The following CLDN10 variants were observed in gnomAD, a reference collection of about 807,000 sequenced individuals.
CLDN10 encodes the protein claudin 10, also known as claudin-10.
Under a neutral mutation model 22.9 loss-of-function variants are expected in CLDN10, and 15 were observed. The ratio of observed to expected loss-of-function variants is 0.65; its 90% CI spans 0.44 to 1.01. CLDN10 has a LOEUF of 1.01. Ranked by LOEUF, CLDN10 falls within the 50% of genes least tolerant of loss-of-function variation. The probability of loss-of-function intolerance (pLI) is 0.00; values close to 1 mark genes in which losing one functional copy is unlikely to be tolerated. For missense variants in CLDN10, 247 were observed against 287.8 expected, an observed-to-expected ratio of 0.86 and a Z score of 1.03; for synonymous variants, 114 against 111.4, an observed-to-expected ratio of 1.02 and a Z score of -0.15.
At chr13:95,560,101 A>C (rs1341750202) in intron 1 of CLDN10, 31 bp from the exon 2 acceptor site, 10 of 1,577,042 alleles carry the variant, frequency 6.3e-6, no homozygotes, top group African/African-American at 4.1e-5. Context: ...CACATGCTTT[A>C]TGTAACGTAA....
At chr13:95,443,414 C>T (rs1238450250) in intron 1 of CLDN10, among the ~76,000 whole-genome samples, 2 of 152,078 alleles carry the variant, frequency 1.3e-5, no homozygotes. Context: ...TTGTTTTAAT[C>T]GGGTGTGGTA....
intron 1 of CLDN10, among the ~76,000 whole-genome samples, chr13:95,525,001 A>C (rs1030968270): frequency 5.9e-5 from 9 of 151,976 alleles, no homozygotes; most frequent in Non-Finnish European, 4.4e-5. Context: ...CTGGGATTAC[A>C]GGCATGTGCC....
At chr13:95,478,236 G>T (rs748950837) in intron 1 of CLDN10, among the ~76,000 whole-genome samples, 45 of 152,158 alleles carry the variant, frequency 3.0e-4, no homozygotes, top group Non-Finnish European at 5.4e-4. Context: ...TGAGCCCAGG[G>T]AGCTGAGGTT....
chr13:95,499,670 G>A (rs1354496508), intron 1 of CLDN10, among the ~76,000 whole-genome samples: 1 of 152,336 alleles, frequency 6.6e-6, no homozygotes, highest in South Asian at 2.1e-4. Flanking sequence ...GGAGGTGGAA[G>A]GTTCCCAGGA....
intron 3 of CLDN10, among the ~76,000 whole-genome samples, chr13:95,566,926 G>C (rs4459440): frequency 0.22 from 33,470 of 152,062 alleles, 3,999 homozygotes; most frequent in Admixed American, 0.33. Context: ...AGATCAGATG[G>C]TTGTAGATGT....
At chr13:95,501,600 T>C (rs1438909523) in intron 1 of CLDN10, among the ~76,000 whole-genome samples, 2 of 152,248 alleles carry the variant, frequency 1.3e-5, no homozygotes, top group Admixed American at 6.5e-5. Context: ...CCCAGCCTTC[T>C]TGTGATTGGT....
intron 1 of CLDN10, among the ~76,000 whole-genome samples, chr13:95,474,168 A>G (rs1184350025): frequency 6.6e-6 from 1 of 152,226 alleles, no homozygotes; most frequent in Non-Finnish European, 1.5e-5. Context: ...AGACGGTCCC[A>G]TCTGGGGGTG....
intron 1 of CLDN10, among the ~76,000 whole-genome samples, chr13:95,536,853 G>A (rs778890831): frequency 3.3e-5 from 5 of 152,128 alleles, no homozygotes; most frequent in Non-Finnish European, 7.3e-5. Flanking sequence ...AAAAGAGGGC[G>A]CAAATTTCTC....
chr13:95,451,252 A>T (rs1258980327), intron 1 of CLDN10, among the ~76,000 whole-genome samples: 2 of 152,160 alleles, frequency 1.3e-5, no homozygotes, highest in African/African-American at 4.8e-5. Flanking sequence ...GGACTTTGAG[A>T]TTAACTTCTC....
intron 3 of CLDN10, among the ~76,000 whole-genome samples, chr13:95,570,858 G>GTATATATATATATATATA (rs55861640): frequency 0.018 from 2,118 of 119,160 alleles, 44 homozygotes; most frequent in Non-Finnish European, 0.023. Flanking sequence ...ATATACGTGT[G>GTATATATATATATATATA]TATATATATA....
intron 1 of CLDN10, among the ~76,000 whole-genome samples, chr13:95,453,969 G>T (rs763994803): frequency 1.3e-5 from 2 of 151,980 alleles, no homozygotes; most frequent in Admixed American, 6.6e-5. Flanking sequence ...GCTTCTGACA[G>T]CCCTGAATCT....
At chr13:95,509,680 CT>C (rs1348917057) in intron 1 of CLDN10, among the ~76,000 whole-genome samples, 1 of 152,162 alleles carries the variant, frequency 6.6e-6, no homozygotes, top group African/African-American at 2.4e-5. Context: ...AGCAACTCTG[CT>C]TTTCCCTACG....
intron 1 of CLDN10, among the ~76,000 whole-genome samples, chr13:95,477,719 G>A (rs1009876377): frequency 6.6e-6 from 1 of 152,164 alleles, no homozygotes; most frequent in Non-Finnish European, 1.5e-5. Context: ...CAGCACCTGG[G>A]ACTTAGAGAG....
chr13:95,515,340 A>C (rs1471799012), intron 1 of CLDN10, among the ~76,000 whole-genome samples: 2 of 152,164 alleles, frequency 1.3e-5, no homozygotes, highest in African/African-American at 4.8e-5. Flanking sequence ...CTGAAATTAC[A>C]TGCGTGCACC....
At chr13:95,459,490 G>A (rs2042514085) in intron 1 of CLDN10, among the ~76,000 whole-genome samples, 1 of 152,232 alleles carries the variant, frequency 6.6e-6, no homozygotes, top group African/African-American at 2.4e-5. Context: ...GCACCTGAAG[G>A]CCCAACACAA....
upstream of CLDN10, among the ~76,000 whole-genome samples, chr13:95,552,036 A>C (rs966043372): frequency 3.3e-5 from 5 of 152,262 alleles, no homozygotes; most frequent in African/African-American, 9.6e-5. Context: ...TGAGTACACC[A>C]GCAAGATCAA....
chr13:95,464,338 G>A (rs1019128186), intron 1 of CLDN10, among the ~76,000 whole-genome samples: 1 of 152,062 alleles, frequency 6.6e-6, no homozygotes, highest in African/African-American at 2.4e-5. Flanking sequence ...ACCTATGAGT[G>A]AGAACATGCG....
intron 1 of CLDN10, among the ~76,000 whole-genome samples, chr13:95,478,997 G>A (rs1194473620): frequency 6.6e-6 from 1 of 152,242 alleles, no homozygotes. Context: ...CAGTGGTTAA[G>A]TGCCTGTGAG....
intron 1 of CLDN10, among the ~76,000 whole-genome samples, chr13:95,448,556 G>T (rs904586911): frequency 2.0e-5 from 3 of 152,108 alleles, no homozygotes; most frequent in African/African-American, 7.2e-5. Flanking sequence ...AGAAAGAGCT[G>T]GGGATGGCTG....
Sources: allele counts gnomAD v4.1 joint callset (sites outside exome capture counted in the v4.1 genomes callset), GRCh38; gene constraint gnomAD v4.1.1; transcripts MANE v1.5; gene names NCBI Gene and HGNC (gene_info 2026-07-23, HGNC 2026-07-21).